The following HTR1D variants were observed in gnomAD, a reference collection of about 807,000 sequenced individuals.
The protein encoded by HTR1D is 5-hydroxytryptamine receptor 1D.
HTR1D carries 18 observed loss-of-function variants against 21.1 expected under a neutral mutation model. The ratio of observed to expected loss-of-function variants is 0.85; its 90% CI spans 0.59 to 1.27. The LOEUF is 1.27. Ranked by LOEUF, HTR1D falls within the 50% of genes most tolerant of loss-of-function variation. The probability of loss-of-function intolerance (pLI) is 0.00; values close to 1 mark genes in which losing one functional copy is unlikely to be tolerated. For missense variants in HTR1D, 456 were observed against 481.4 expected, an observed-to-expected ratio of 0.95 and a Z score of 0.49; for synonymous variants, 196 against 204.4, an observed-to-expected ratio of 0.96 and a Z score of 0.35.
chr1:23,215,214 C>T (rs889556543), intron 1 of HTR1D, among the ~76,000 whole-genome samples: 1 of 152,034 alleles, frequency 6.6e-6, no homozygotes, highest in African/African-American at 2.4e-5. Flanking sequence ...CCCAAGAGTT[C>T]GAGGCCAGCC....
At chr1:23,197,018 C>A (rs1304662875) in intron 1 of HTR1D, among the ~76,000 whole-genome samples, 3 of 152,158 alleles carry the variant, frequency 2.0e-5, no homozygotes, top group Non-Finnish European at 4.4e-5. Context: ...ACTTTCTTCC[C>A]TGCAGACAGT....
intron 1 of HTR1D, among the ~76,000 whole-genome samples, chr1:23,206,865 C>A (rs34894021): frequency 0.14 from 21,992 of 152,062 alleles, 1,950 homozygotes; most frequent in South Asian, 0.31. Context: ...GCAAGGGATC[C>A]ATACCTGTCT....
Position 23,194,420 on chromosome 1 carries a change from T to A in HTR1D, c.-201A>T. 2.5e-6 allele frequency: 1 copy of A among 392,460 alleles called. No individual in the cohort carries two copies. Among genetic ancestry groups the A allele is most frequent in the Non-Finnish European group, 4.7e-6 (1 of 213,002 alleles). 24.3% of individuals were successfully genotyped at this position (392,460 alleles called of 1,614,324 possible). A position where few individuals can be genotyped will look rare whatever the true frequency, so the allele number is the denominator to read the frequency against. The stretch of plus-strand genomic sequence containing the variant: ...AAATAAAATTAAATAACAATAATAA[T>A]AATAATATTAAACAAGACCGGACTA... On this transcript the variant is annotated 5_prime_UTR_variant, in exon 2 of 2. Transcript: ENST00000374619.
At chr1:23,205,965 T>C (rs1644728667) in intron 1 of HTR1D, among the ~76,000 whole-genome samples, 2 of 152,126 alleles carry the variant, frequency 1.3e-5, no homozygotes, top group Non-Finnish European at 2.9e-5. Flanking sequence ...AAACCATCCT[T>C]CTTGGCTTCA....
intron 1 of HTR1D, among the ~76,000 whole-genome samples, chr1:23,209,792 C>T (rs1260267742): frequency 6.6e-6 from 1 of 152,152 alleles, no homozygotes; most frequent in Non-Finnish European, 1.5e-5. Context: ...CGACTCCATG[C>T]TCCACCATCC....
intron 1 of HTR1D, among the ~76,000 whole-genome samples, chr1:23,195,380 G>C (rs1473286881): frequency 3.2e-5 from 2 of 62,848 alleles, no homozygotes; most frequent in East Asian, 7.7e-4. Context: ...TACAAAGTAT[G>C]GGGGGGGGTG....
At position 23,192,096 on chromosome 1, in the gene HTR1D, T is replaced by G. The variant is rs1039508307; in HGVS notation, c.*990A>C. ...AAAGGGGTGATCATGGGTTTCAACT[T>G]CAGAATGTGAAGATGGCGCAGGCAT... On this transcript the variant is annotated 3_prime_UTR_variant, in exon 2 of 2. Transcript: ENST00000374619. 6 of 151,884 alleles carry G rather than the reference T, an allele frequency of 4.0e-5. No homozygotes were observed. The highest frequency in any genetic ancestry group is 1.5e-4 in the African/African-American group (6 of 41,326). 9.4% of individuals were successfully genotyped at this position (151,884 alleles called of 1,614,324 possible). A position where few individuals can be genotyped will look rare whatever the true frequency, so the allele number is the denominator to read the frequency against.
At chr1:23,204,982 A>G (rs1383688665) in intron 1 of HTR1D, among the ~76,000 whole-genome samples, 1 of 152,244 alleles carries the variant, frequency 6.6e-6, no homozygotes, top group Non-Finnish European at 1.5e-5. Context: ...CTGCAAAATC[A>G]TAGAACCAAC....
At chr1:23,209,941 G>A (rs1421493950) in intron 1 of HTR1D, among the ~76,000 whole-genome samples, 1 of 152,178 alleles carries the variant, frequency 6.6e-6, no homozygotes, top group East Asian at 1.9e-4. Flanking sequence ...CTCTCTGACA[G>A]GCCTGGTGAC....
At chr1:23,201,637 G>C (rs955264473) in intron 1 of HTR1D, among the ~76,000 whole-genome samples, 2 of 152,048 alleles carry the variant, frequency 1.3e-5, no homozygotes, top group Non-Finnish European at 2.9e-5. Context: ...CTGCAGCCTC[G>C]ATCTCCCAGG....
chr1:23,206,276 C>T (rs570795452), intron 1 of HTR1D, among the ~76,000 whole-genome samples: 132 of 152,192 alleles, frequency 8.7e-4, no homozygotes, highest in African/African-American at 3.2e-3. Context: ...GTGATCCACC[C>T]ACCTCGGCCT....
At chr1:23,203,050 C>T (rs1365880140) in intron 1 of HTR1D, among the ~76,000 whole-genome samples, 1 of 152,000 alleles carries the variant, frequency 6.6e-6, no homozygotes, top group Non-Finnish European at 1.5e-5. Flanking sequence ...GAGTAGCCGG[C>T]CACCACGCCT....
intron 1 of HTR1D, among the ~76,000 whole-genome samples, chr1:23,205,076 T>C (rs1644724726): frequency 6.6e-6 from 1 of 152,204 alleles, no homozygotes; most frequent in East Asian, 1.9e-4. Flanking sequence ...AGGACTGAAT[T>C]AACAGCATTT....
In HTR1D at chr1:23,196,994, T is replaced by C. The variant is rs183428670; in HGVS notation, c.-782-1993A>G. On this transcript the variant is annotated intron_variant, in intron 1 of 1. Transcript: ENST00000374619. ...TTCATATGGAAAATGTGAACTCTGG[T>C]TGGCTCGTTTGAAACTTTCTTCCCT... Among the ~76,000 whole-genome samples, 344 of 152,254 alleles carry C rather than the reference T, an allele frequency of 2.3e-3. 2 individuals carry two copies. The highest frequency in any genetic ancestry group is 3.3e-3 in the Non-Finnish European group (225 of 68,008).
intron 1 of HTR1D, among the ~76,000 whole-genome samples, chr1:23,200,307 G>A (rs1439951229): frequency 4.6e-5 from 7 of 152,296 alleles, no homozygotes; most frequent in Non-Finnish European, 7.3e-5. Context: ...CTGAACAATT[G>A]TCATGATGCT....
chr1:23,208,581 A>G (rs1005488990), intron 1 of HTR1D, among the ~76,000 whole-genome samples: 3 of 152,148 alleles, frequency 2.0e-5, no homozygotes, highest in African/African-American at 7.2e-5. Flanking sequence ...CAAAAGAAAA[A>G]AAAAAGAAAG....
chr1:23,213,846 C>G (rs78797414), intron 1 of HTR1D, among the ~76,000 whole-genome samples: 1 of 152,248 alleles, frequency 6.6e-6, no homozygotes, highest in East Asian at 1.9e-4. Context: ...GTGTGAGCCA[C>G]GCTACCCAGC....
chr1:23,198,551 A>C (rs946042194), intron 1 of HTR1D, among the ~76,000 whole-genome samples: 4 of 152,162 alleles, frequency 2.6e-5, no homozygotes, highest in African/African-American at 9.7e-5. Flanking sequence ...TGTTCACTAG[A>C]AGACAGCAAC....
chr1:23,212,891 A>G (rs1162901186), intron 1 of HTR1D, among the ~76,000 whole-genome samples: 3 of 151,350 alleles, frequency 2.0e-5, no homozygotes, highest in African/African-American at 7.3e-5. Flanking sequence ...CAGCGGCTCA[A>G]TCTCCACTCA....
Sources: allele counts gnomAD v4.1 joint callset (sites outside exome capture counted in the v4.1 genomes callset), GRCh38; gene constraint gnomAD v4.1.1; transcripts MANE v1.5; gene names NCBI Gene and HGNC (gene_info 2026-07-23, HGNC 2026-07-21).